The following ADAMTS16 variants were observed in gnomAD, a reference collection of about 807,000 sequenced individuals.
ADAMTS16 encodes ADAM metallopeptidase with thrombospondin type 1 motif 16.
A neutral mutation model predicts 145.8 loss-of-function variants in ADAMTS16; 94 were observed. That is an observed-to-expected ratio of 0.64 (90% CI 0.55 to 0.77). The LOEUF is 0.77. ADAMTS16 is among the 30% of genes least tolerant of loss of function. ADAMTS16 has a pLI of 0.00. For missense variants in ADAMTS16, 1,585 were observed against 1,591.5 expected, an observed-to-expected ratio of 1.00 and a Z score of 0.07; for synonymous variants, 659 against 604.3, an observed-to-expected ratio of 1.09 and a Z score of -1.33.
At chr5:5,299,998 G>A (rs549207176) in intron 18 of ADAMTS16, among the ~76,000 whole-genome samples, 4 of 152,278 alleles carry the variant, frequency 2.6e-5, no homozygotes, top group South Asian at 2.1e-4. Flanking sequence ...CAGACACTTG[G>A]TGTTTCCAGA....
In ADAMTS16 at chr5:5,319,554, C is replaced by T. The variant is rs1344142234; in HGVS notation, c.*416C>T. The T allele has an allele frequency of 3.4e-6, 1 of 290,570 alleles. No individual in the cohort carries two copies. The highest frequency in any genetic ancestry group is 2.3e-5 in the African/African-American group (1 of 44,336). The allele number at this position is 290,570 out of a possible 1,614,324, so 18.0% of individuals were successfully genotyped here. On this transcript the variant is annotated 3_prime_UTR_variant, in exon 23 of 23. Transcript: ENST00000274181. ...TAAGGAAAACATACAAAATATGTAC[C>T]CCCTAGTTCACCAGCCTCCCCTCCC...
At chr5:5,255,314 C>T (rs1737745165) in intron 17 of ADAMTS16, among the ~76,000 whole-genome samples, 1 of 151,900 alleles carries the variant, frequency 6.6e-6, no homozygotes, top group African/African-American at 2.4e-5. Context: ...AAAATAGAAA[C>T]CTTTCTAGGT....
chr5:5,303,344 C>T lies in ADAMTS16; in HGVS notation c.2866C>T (p.Arg956Trp), dbSNP rs750241793. The T allele has an allele frequency of 2.7e-5, 44 of 1,604,236 alleles. No individual in the cohort carries two copies. The highest frequency in any genetic ancestry group is 4.0e-5 in the African/African-American group (3 of 74,872). ...GAQSRPVQCT[R>W]RVHYDSEPVP... ...CCAGAGCCGCCCCGTGCAGTGCACA[C>T]GGCGGGTGCACTATGACTCGGAGCC... Residue 956 changes from arginine to tryptophan, a missense_variant, in exon 19 of 23, where the codon CGG (arginine) becomes TGG (tryptophan). Arg to Trp is a moderately radical substitution (Grantham distance 101, BLOSUM62 -3). Coordinates refer to ENST00000274181, the MANE Select transcript of ADAMTS16 (RefSeq NM_139056.4).
chr5:5,296,061 C>G (rs566174232), intron 18 of ADAMTS16, among the ~76,000 whole-genome samples: 1 of 152,316 alleles, frequency 6.6e-6, no homozygotes, highest in African/African-American at 2.4e-5. Flanking sequence ...ATTACCTTTA[C>G]TTTTCAGATA....
intron 8 of ADAMTS16, among the ~76,000 whole-genome samples, chr5:5,193,015 T>A (rs577198475): frequency 8.5e-5 from 13 of 152,338 alleles, no homozygotes; most frequent in East Asian, 7.7e-4. Context: ...TTATTTTTTT[T>A]AAATTTCAAC....
intron 9 of ADAMTS16, among the ~76,000 whole-genome samples, chr5:5,202,191 G>A (rs1348465346): frequency 2.0e-5 from 3 of 152,006 alleles, no homozygotes; most frequent in Admixed American, 6.6e-5. Flanking sequence ...GCCTCCAGGG[G>A]CTGTGTTCCT....
intron 3 of ADAMTS16, among the ~76,000 whole-genome samples, chr5:5,152,405 G>GC (rs1734496996): frequency 2.0e-5 from 3 of 152,222 alleles, no homozygotes; most frequent in Non-Finnish European, 4.4e-5. Flanking sequence ...ATTGCTGTCG[G>GC]CCTGATAAGC....
chr5:5,222,563 A>T (rs563565718), intron 10 of ADAMTS16, among the ~76,000 whole-genome samples: 7 of 152,332 alleles, frequency 4.6e-5, no homozygotes, highest in African/African-American at 1.7e-4. Flanking sequence ...AAAAGATAAT[A>T]TATAAATAAA....
chr5:5,149,322 A>C (rs1393130112), intron 3 of ADAMTS16, among the ~76,000 whole-genome samples: 1 of 150,726 alleles, frequency 6.6e-6, no homozygotes, highest in East Asian at 1.9e-4. Context: ...AAACACAAGC[A>C]CATAAATGTG....
intron 9 of ADAMTS16, among the ~76,000 whole-genome samples, chr5:5,202,829 C>A (rs942496800): frequency 6.6e-6 from 1 of 151,960 alleles, no homozygotes; most frequent in Non-Finnish European, 1.5e-5. Flanking sequence ...TTATTAAAGT[C>A]CAAAAAAAGT....
chr5:5,285,359 G>A (rs1739065682), intron 18 of ADAMTS16, among the ~76,000 whole-genome samples: 1 of 152,150 alleles, frequency 6.6e-6, no homozygotes, highest in African/African-American at 2.4e-5. Flanking sequence ...TCTCCCAGTG[G>A]CCACTGTGCC....
In ADAMTS16 at chr5:5,319,995, G is replaced by T; in HGVS notation, c.*857G>T. 1 of 449,556 alleles carries T rather than the reference G, an allele frequency of 2.2e-6. No individual in the cohort carries two copies. The highest frequency in any genetic ancestry group is 4.4e-6 in the Non-Finnish European group (1 of 225,798). The allele number at this position is 449,556 out of a possible 1,614,324, so 27.8% of individuals were successfully genotyped here. A position where few individuals can be genotyped will look rare whatever the true frequency, so the allele number is the denominator to read the frequency against. ...ACCCTACCATCCTGAGAAGAGTTAT[G>T]GTTCTATTATAGCAGACGTCAGCCA... On this transcript the variant is annotated 3_prime_UTR_variant, in exon 23 of 23. Coordinates refer to ENST00000274181, the MANE Select transcript of ADAMTS16 (RefSeq NM_139056.4).
At chr5:5,275,753 G>A (rs1224799529) in intron 18 of ADAMTS16, among the ~76,000 whole-genome samples, 1 of 151,838 alleles carries the variant, frequency 6.6e-6, no homozygotes, top group Non-Finnish European at 1.5e-5. Context: ...TTTTTGACTC[G>A]GCTTACATTT....
intron 2 of ADAMTS16, 79 bp downstream of exon 2, chr5:5,140,845 T>A (rs270207): frequency 0.5 from 680,085 of 1,362,396 alleles, 174,947 homozygotes; most frequent in East Asian, 0.74. Context: ...TATTAGGTGC[T>A]GTGAATGTTC....
chr5:5,269,647 G>A lies in ADAMTS16; in HGVS notation c.2789+6864G>A, dbSNP rs1254621352. On this transcript the variant is annotated intron_variant, in intron 18 of 22. Coordinates refer to ENST00000274181, the MANE Select transcript of ADAMTS16 (RefSeq NM_139056.4). This position sits in a 1 kb window ranked among gnomAD's most constrained non-coding sequence, Gnocchi z 4.3. ...CAGATGGTCCCGAGCCTCTAGAGGA[G>A]CCTTTGGAAGTTACTATTTTTTCCA... is the stretch of plus-strand genomic sequence containing the variant. Among the ~76,000 whole-genome samples the A allele has an allele frequency of 6.6e-6, 1 of 152,134 alleles. No homozygotes were observed. Among genetic ancestry groups the A allele is most frequent in the Non-Finnish European group, 1.5e-5 (1 of 68,034 alleles).
chr5:5,303,301 G>A lies in ADAMTS16; in HGVS notation c.2823G>A (p.Arg941=). The A allele has an allele frequency of 6.3e-7, 1 of 1,594,760 alleles. No homozygotes were observed. The highest frequency in any genetic ancestry group is 8.6e-7 in the Non-Finnish European group (1 of 1,168,746). Residue 941 remains arginine, a synonymous_variant, in exon 19 of 23, where the codon CGG becomes CGA. Coordinates refer to ENST00000274181, the MANE Select transcript of ADAMTS16 (RefSeq NM_139056.4). ...WSVGNWSACS[R]TCGGGAQSRP... The stretch of plus-strand genomic sequence containing the variant: ...TGGGGAACTGGAGTGCCTGCAGTCG[G>A]ACGTGTGGCGGGGGTGCCCAGAGCC...
At chr5:5,160,499 AC>A (rs1734713150) in intron 3 of ADAMTS16, among the ~76,000 whole-genome samples, 3 of 152,160 alleles carry the variant, frequency 2.0e-5, no homozygotes, top group African/African-American at 4.8e-5. Context: ...TAGATGAAGA[AC>A]CAGAGCTACT....
At chr5:5,313,438 A>C (rs965106464) in intron 21 of ADAMTS16, among the ~76,000 whole-genome samples, 2 of 152,230 alleles carry the variant, frequency 1.3e-5, no homozygotes, top group African/African-American at 4.8e-5. Flanking sequence ...GACTGATTTA[A>C]ATCACTGCAG....
At chr5:5,275,023 T>C (rs145645856) in intron 18 of ADAMTS16, among the ~76,000 whole-genome samples, 16 of 152,340 alleles carry the variant, frequency 1.1e-4, no homozygotes, top group African/African-American at 3.6e-4. Context: ...ATAGAATAGA[T>C]AGCTTGCATT....
Sources: allele counts gnomAD v4.1 joint callset (sites outside exome capture counted in the v4.1 genomes callset), GRCh38; gene constraint gnomAD v4.1.1; non-coding constraint Gnocchi (gnomAD v3.1); transcripts MANE v1.5; gene names NCBI Gene and HGNC (gene_info 2026-07-23, HGNC 2026-07-21).